KLF15: variants seen among roughly 807,000 people sequenced by gnomAD.
The protein encoded by KLF15 is Krueppel-like factor 15.
A neutral mutation model predicts 24.6 loss-of-function variants in KLF15; 4 were observed. The observed-to-expected ratio is 0.16, with a 90% CI of 0.08 to 0.37. KLF15 has a LOEUF of 0.37. Among genes scored for constraint, KLF15 ranks in the 10% least tolerant of loss-of-function variants. The pLI, the probability that KLF15 is intolerant of heterozygous loss-of-function variation, is 1.00. For missense variants in KLF15, 496 were observed against 560.6 expected, an observed-to-expected ratio of 0.88 and a Z score of 1.16; for synonymous variants, 246 against 236.3, an observed-to-expected ratio of 1.04 and a Z score of -0.37.
chr3:126,342,362 C>T (rs2082485703), downstream of KLF15, among the ~76,000 whole-genome samples: 1 of 152,284 alleles, frequency 6.6e-6, no homozygotes, highest in Non-Finnish European at 1.5e-5. Context: ...GAGGCAGCTT[C>T]CCACAGGTGC....
the KLF15 span, among the ~76,000 whole-genome samples, chr3:126,322,033 C>T: frequency 6.6e-6 from 1 of 152,190 alleles, no homozygotes; most frequent in Non-Finnish European, 1.5e-5. Context: ...CTGTCCATCA[C>T]TGTAGCTGAA....
the KLF15 span, among the ~76,000 whole-genome samples, chr3:126,300,815 C>T: frequency 3.9e-5 from 6 of 152,284 alleles, no homozygotes; most frequent in East Asian, 9.6e-4. Flanking sequence ...TCCAGAATTC[C>T]GAGCAGATAC....
intron 2 of KLF15, among the ~76,000 whole-genome samples, chr3:126,348,159 T>A (rs2082550439): frequency 6.6e-6 from 1 of 152,216 alleles, no homozygotes; most frequent in South Asian, 2.1e-4. Flanking sequence ...TCAGCTGAAC[T>A]CCTGGCTCTG....
chr3:126,310,701 G>A, the KLF15 span, among the ~76,000 whole-genome samples: 1 of 152,254 alleles, frequency 6.6e-6, no homozygotes, highest in East Asian at 1.9e-4. Flanking sequence ...GTGTGTGTCT[G>A]TGTCCTAATC....
chr3:126,353,654 GACCAAA>G (rs1458987358), intron 1 of KLF15, among the ~76,000 whole-genome samples: 2 of 152,208 alleles, frequency 1.3e-5, no homozygotes, highest in Non-Finnish European at 2.9e-5. Flanking sequence ...AACAGTCAAA[GACCAAA>G]AAGTGCCTGC....
In KLF15 at chr3:126,343,536, G is replaced by A. The variant is rs551969607; in HGVS notation, c.*191C>T. On this transcript the variant is annotated 3_prime_UTR_variant, in exon 3 of 3. Transcript: ENST00000296233. Reference sequence around the variant, plus strand: ...CCTGGGGCCCAGCCCCCAGGGACGCGGGTTCGAGGCTCTAAGTACTCCCGA... The same window carrying A: ...CCTGGGGCCCAGCCCCCAGGGACGCAGGTTCGAGGCTCTAAGTACTCCCGA... 3.5e-6 allele frequency: 2 copies of A among 566,696 alleles called. No homozygotes were observed. The highest frequency in any genetic ancestry group is 2.4e-5 in the South Asian group (1 of 41,744). The allele number at this position is 566,696 out of a possible 1,614,324, so 35.1% of individuals were successfully genotyped here. A position where few individuals can be genotyped will look rare whatever the true frequency, so the allele number is the denominator to read the frequency against.
At chr3:126,340,833 G>T (rs771988963), downstream of KLF15, among the ~76,000 whole-genome samples, 1 of 152,228 alleles carries the variant, frequency 6.6e-6, no homozygotes, top group Non-Finnish European at 1.5e-5. Flanking sequence ...GCAGGAGCCA[G>T]GCCAGGCACT....
downstream of KLF15, among the ~76,000 whole-genome samples, chr3:126,339,976 C>G (rs2082468206): frequency 6.6e-6 from 1 of 152,178 alleles, no homozygotes; most frequent in African/African-American, 2.4e-5. Flanking sequence ...AATCTGCTGC[C>G]CCAGAAGTCT....
At chr3:126,292,159 T>C in the KLF15 span, among the ~76,000 whole-genome samples, 1 of 152,174 alleles carries the variant, frequency 6.6e-6, no homozygotes, top group Non-Finnish European at 1.5e-5. Context: ...CCCTGTGGCA[T>C]GATTACCTGA....
At chr3:126,322,754 C>T in the KLF15 span, among the ~76,000 whole-genome samples, 8 of 152,288 alleles carry the variant, frequency 5.3e-5, no homozygotes, top group South Asian at 2.1e-4. Context: ...TGCCTGCCCA[C>T]GCCATTTGCT....
At chr3:126,308,272 C>G in the KLF15 span, among the ~76,000 whole-genome samples, 2 of 152,200 alleles carry the variant, frequency 1.3e-5, no homozygotes, top group Non-Finnish European at 2.9e-5. Context: ...CCTTGACCAC[C>G]CCCAAGGAGC....
At chr3:126,349,036 T>C (rs2082560206) in intron 2 of KLF15, among the ~76,000 whole-genome samples, 2 of 152,092 alleles carry the variant, frequency 1.3e-5, no homozygotes, top group African/African-American at 4.8e-5. Context: ...CAGACCCAGC[T>C]GCCCCAAAGC....
the KLF15 span, among the ~76,000 whole-genome samples, chr3:126,294,856 C>T: frequency 7.2e-6 from 1 of 139,468 alleles, no homozygotes; most frequent in Non-Finnish European, 1.5e-5. Context: ...AGTGGCCCTG[C>T]CCCTCCATAC....
intron 2 of KLF15, among the ~76,000 whole-genome samples, chr3:126,344,232 T>TA (rs1030476796): frequency 2.6e-5 from 4 of 152,002 alleles, no homozygotes; most frequent in African/African-American, 9.7e-5. Flanking sequence ...ATAGTTTTTG[T>TA]ATTTTTTTTT....
chr3:126,344,804 A>G (rs2082519083), intron 2 of KLF15, among the ~76,000 whole-genome samples: 1 of 152,250 alleles, frequency 6.6e-6, no homozygotes, highest in African/African-American at 2.4e-5. Flanking sequence ...TGACCCTGCA[A>G]AGTGTATCTG....
the KLF15 span, among the ~76,000 whole-genome samples, chr3:126,324,789 T>TTA: frequency 1.1e-3 from 19 of 17,374 alleles, no homozygotes; most frequent in South Asian, 0.046. Flanking sequence ...TTGCTTTTAA[T>TTA]TTTTTTTTTT....
the KLF15 span, among the ~76,000 whole-genome samples, chr3:126,317,601 C>G: frequency 6.6e-6 from 1 of 152,028 alleles, no homozygotes; most frequent in African/African-American, 2.4e-5. Flanking sequence ...CACTGCGCAC[C>G]CCGGAGTGCG....
chr3:126,290,884 G>A, the KLF15 span: 2 of 152,190 alleles, frequency 1.3e-5, no homozygotes, highest in African/African-American at 4.8e-5. Context: ...CTTGTCAAAA[G>A]GTCTCATTCT....
At chr3:126,338,003 G>A (rs916556089), downstream of KLF15, among the ~76,000 whole-genome samples, 8 of 152,178 alleles carry the variant, frequency 5.3e-5, no homozygotes, top group East Asian at 1.9e-4. Flanking sequence ...CACTCCAGCC[G>A]CTGTGGCTCC....
Sources: allele counts gnomAD v4.1 joint callset (sites outside exome capture counted in the v4.1 genomes callset), GRCh38; gene constraint gnomAD v4.1.1; transcripts MANE v1.5; gene names NCBI Gene and HGNC (gene_info 2026-07-23, HGNC 2026-07-21).